The following KCNIP4 variants were observed in gnomAD, a reference collection of about 807,000 sequenced individuals.
The protein encoded by KCNIP4 is Kv channel-interacting protein 4.
KCNIP4 carries 12 observed loss-of-function variants against 34.0 expected under a neutral mutation model. The ratio of observed to expected loss-of-function variants is 0.35; its 90% CI spans 0.23 to 0.57. The LOEUF (loss-of-function observed/expected upper bound fraction) is 0.57. Among genes scored for constraint, KCNIP4 ranks in the 20% least tolerant of loss-of-function variants. The pLI, the probability that KCNIP4 is intolerant of heterozygous loss-of-function variation, is 0.83. For synonymous variants in KCNIP4, 124 were observed against 102.2 expected (o/e 1.21, Z -1.29); for missense variants, 238 against 311.7 (o/e 0.76, Z 1.78).
intron 1 of KCNIP4, among the ~76,000 whole-genome samples, chr4:21,124,517 C>T (rs760371920): frequency 6.6e-6 from 1 of 152,130 alleles, no homozygotes; most frequent in Non-Finnish European, 1.5e-5. Context: ...ACCTTCCTTG[C>T]TCTGTCTGCC....
chr4:21,948,066 C>G (rs1730601193), intron 1 of KCNIP4, among the ~76,000 whole-genome samples: 1 of 152,204 alleles, frequency 6.6e-6, no homozygotes, highest in Non-Finnish European at 1.5e-5. Context: ...ACAAGCCATA[C>G]GCTCCTGCTT....
At chr4:20,946,131 T>C (rs942047273) in intron 1 of KCNIP4, among the ~76,000 whole-genome samples, 1 of 152,132 alleles carries the variant, frequency 6.6e-6, no homozygotes, top group Non-Finnish European at 1.5e-5. Context: ...GTATGGCTTA[T>C]GTTCTGGTGG....
chr4:21,776,390 C>A (rs1213673859), intron 1 of KCNIP4, among the ~76,000 whole-genome samples: 2 of 152,046 alleles, frequency 1.3e-5, no homozygotes, highest in Admixed American at 1.3e-4. Context: ...CATCTTGGCC[C>A]CGCCCCAGAA....
chr4:20,798,329 T>C (rs1025543646), intron 3 of KCNIP4, among the ~76,000 whole-genome samples: 1 of 152,202 alleles, frequency 6.6e-6, no homozygotes, highest in African/African-American at 2.4e-5. Context: ...ATAGAAAGCT[T>C]GATGGGCCTT....
At chr4:21,483,248 G>T (rs1343961211) in intron 1 of KCNIP4, among the ~76,000 whole-genome samples, 4 of 147,652 alleles carry the variant, frequency 2.7e-5, no homozygotes, top group Admixed American at 6.7e-5. Context: ...TATATATAAA[G>T]AAATAAAAGG....
chr4:21,504,475 A>AAAAAAAAAAGAAAGAAAG (rs1264431211), intron 1 of KCNIP4, among the ~76,000 whole-genome samples: 11 of 101,870 alleles, frequency 1.1e-4, no homozygotes, highest in African/African-American at 4.3e-4. Flanking sequence ...CAAAAAAAAA[A>AAAAAAAAAAGAAAGAAAG]AAAGAAAGAA....
chr4:21,112,161 T>C (rs1749272934), intron 1 of KCNIP4, among the ~76,000 whole-genome samples: 1 of 152,140 alleles, frequency 6.6e-6, no homozygotes, highest in African/African-American at 2.4e-5. Flanking sequence ...AGATAATGTC[T>C]ATCCTTAAGA....
At chr4:21,746,642 T>C (rs1359935123) in intron 1 of KCNIP4, among the ~76,000 whole-genome samples, 1 of 151,820 alleles carries the variant, frequency 6.6e-6, no homozygotes, top group African/African-American at 2.4e-5. Context: ...TAGGAAGATA[T>C]CTTTACTAAA....
chr4:21,009,618 GT>G (rs1738894646), intron 1 of KCNIP4, among the ~76,000 whole-genome samples: 1 of 152,144 alleles, frequency 6.6e-6, no homozygotes, highest in African/African-American at 2.4e-5. Flanking sequence ...CTATCTCATA[GT>G]TTTCCTACCA....
chr4:21,185,512 T>C (rs1303680879), intron 1 of KCNIP4, among the ~76,000 whole-genome samples: 3 of 151,942 alleles, frequency 2.0e-5, no homozygotes, highest in African/African-American at 7.3e-5. Context: ...CTCTTTTTCC[T>C]TCTCCTTCTT....
At chr4:21,755,729 T>C (rs991524987) in intron 1 of KCNIP4, among the ~76,000 whole-genome samples, 13 of 152,202 alleles carry the variant, frequency 8.5e-5, no homozygotes, top group Admixed American at 3.3e-4. Flanking sequence ...GTTAATCAAA[T>C]ATCTTTAATA....
At chr4:21,923,287 C>T (rs1437564097) in intron 1 of KCNIP4, among the ~76,000 whole-genome samples, 1 of 152,134 alleles carries the variant, frequency 6.6e-6, no homozygotes, top group Non-Finnish European at 1.5e-5. Context: ...ATTTAAAATA[C>T]CTTTTCTTCT....
Position 21,946,032 on chromosome 4 carries a change from T to C in KCNIP4, c.61+2539A>G, listed in dbSNP as rs573857005. ...TAGCATACTAGATGCGTTTACTTGT[T>C]GAGAAGAGAGTACGGAACGAACTTT... On this transcript the variant is annotated intron_variant, in intron 1 of 8. Coordinates refer to ENST00000382152, the MANE Select transcript of KCNIP4 (RefSeq NM_025221.6). Among the ~76,000 whole-genome samples the C allele has an allele frequency of 3.4e-5, 5 of 148,734 alleles. No individual in the cohort carries two copies. The East Asian group carries it at 7.9e-4, about 23-fold the overall frequency.
At chr4:21,505,062 G>A (rs764299716) in intron 1 of KCNIP4, among the ~76,000 whole-genome samples, 1 of 152,148 alleles carries the variant, frequency 6.6e-6, no homozygotes, top group Admixed American at 6.5e-5. Flanking sequence ...TAACTCTCGA[G>A]TGATGATGGT....
chr4:21,323,144 G>A (rs1714671094), intron 1 of KCNIP4, among the ~76,000 whole-genome samples: 1 of 77,916 alleles, frequency 1.3e-5, no homozygotes, highest in African/African-American at 5.5e-5. Context: ...TCTTTTGTAA[G>A]TATATATATA....
At chr4:20,740,307 G>C (rs572288893) in intron 5 of KCNIP4, among the ~76,000 whole-genome samples, 1 of 152,156 alleles carries the variant, frequency 6.6e-6, no homozygotes, top group African/African-American at 2.4e-5. Context: ...TGAAATGAAG[G>C]AAAGAAAGTT....
intron 1 of KCNIP4, among the ~76,000 whole-genome samples, chr4:21,688,906 T>A (rs765468500): frequency 2.6e-5 from 4 of 151,986 alleles, no homozygotes; most frequent in African/African-American, 4.8e-5. Context: ...TATTTTACAG[T>A]CCCGTTGCTT....
intron 1 of KCNIP4, among the ~76,000 whole-genome samples, chr4:21,008,622 C>G (rs941368436): frequency 6.6e-6 from 1 of 151,764 alleles, no homozygotes; most frequent in African/African-American, 2.4e-5. Context: ...CTCCCGGGTT[C>G]ACGCCATTCT....
At chr4:21,393,859 G>A (rs9993344) in intron 1 of KCNIP4, among the ~76,000 whole-genome samples, 2 of 151,892 alleles carry the variant, frequency 1.3e-5, no homozygotes, top group African/African-American at 4.9e-5. Context: ...CACCTTAGTA[G>A]AGTGTTGATA....
Sources: gnomAD v4.1 joint callset for allele counts (sites outside exome capture counted in the v4.1 genomes callset) on GRCh38, gnomAD v4.1.1 for gene constraint, MANE v1.5 for transcripts, NCBI Gene and HGNC (gene_info 2026-07-23, HGNC 2026-07-21) for gene names.